Variants in HPS1 observed in about 807,000 individuals in gnomAD.
HPS1 encodes BLOC-3 complex member HPS1.
In HPS1, 59 loss-of-function variants were observed where a neutral mutation model predicts 90.6. The observed-to-expected ratio is 0.65, with a 90% CI of 0.53 to 0.81. HPS1 has a LOEUF of 0.81. Ranked by LOEUF, HPS1 falls within the 30% of genes least tolerant of loss-of-function variation. HPS1 has a pLI of 0.00. For missense variants in HPS1, 849 were observed against 896.7 expected (o/e 0.95, Z 0.68); for synonymous variants, 388 against 384.4 (o/e 1.01, Z -0.11).
intron 17 of HPS1, among the ~76,000 whole-genome samples, chr10:98,420,761 T>C (rs2136108013): frequency 6.6e-6 from 1 of 152,180 alleles, no homozygotes; most frequent in East Asian, 1.9e-4. Context: ...GAAATGATCA[T>C]TCAGGCCAGA....
intron 2 of HPS1, among the ~76,000 whole-genome samples, chr10:98,444,889 G>A (rs1412559242): frequency 6.6e-6 from 1 of 152,196 alleles, no homozygotes; most frequent in Non-Finnish European, 1.5e-5. Context: ...CCAGGTACAT[G>A]TGACAAAGCT....
intron 18 of HPS1, among the ~76,000 whole-genome samples, chr10:98,418,470 G>A (rs1213180994): frequency 6.6e-6 from 1 of 152,216 alleles, no homozygotes; most frequent in Non-Finnish European, 1.5e-5. Context: ...GGGCCGGCAG[G>A]GTAGCTCTCA....
intron 13 of HPS1, 33 bp from the exon 14 acceptor site, chr10:98,424,407 C>A (rs777422079): frequency 6.3e-7 from 1 of 1,593,374 alleles, no homozygotes; most frequent in African/African-American, 1.3e-5. Context: ...GTTTGCATCC[C>A]GACCATATTT....
intron 1 of HPS1, among the ~76,000 whole-genome samples, chr10:98,446,338 G>A (rs1473736063): frequency 6.6e-6 from 1 of 152,198 alleles, no homozygotes; most frequent in Non-Finnish European, 1.5e-5. Flanking sequence ...GCTTCACCTC[G>A]CTATCTTGCC....
intron 18 of HPS1, among the ~76,000 whole-genome samples, chr10:98,419,236 G>A (rs1379027663): frequency 6.6e-6 from 1 of 152,200 alleles, no homozygotes; most frequent in Non-Finnish European, 1.5e-5. Flanking sequence ...GCAGGGGAAG[G>A]CACAGGAGTG....
chr10:98,425,623 G>C lies in HPS1; in HGVS notation c.1253C>G (p.Ser418Cys), dbSNP rs761046186. The C allele has an allele frequency of 6.2e-7, 1 of 1,613,832 alleles. No homozygotes were observed. Among genetic ancestry groups the C allele is most frequent in the African/African-American group, 1.3e-5 (1 of 75,064 alleles). Reference sequence around the variant, plus strand: ...TCCCACGAGGGGCTGGGAGCGCAGGGAGGCCCCGGGCTCCGGCCCTTCCTT... The same window carrying C: ...TCCCACGAGGGGCTGGGAGCGCAGGCAGGCCCCGGGCTCCGGCCCTTCCTT... ...KLKEGPEPGA[S>C]LRSQPLVGDL... Residue 418 changes from serine to cysteine, a missense_variant, in exon 13 of 20, where the codon TCC becomes TGC. Coordinates refer to ENST00000361490, the MANE Select transcript of HPS1 (RefSeq NM_000195.5).
Position 98,420,020 on chromosome 10 carries a change from G to T in HPS1, c.1857+25C>A, listed in dbSNP as rs757637907. On this transcript the variant is annotated intron_variant, in intron 18 of 19. Transcript: ENST00000361490. ...GCGGGAAGTGTGTGTGGCCCGTCCT[G>T]GCCCAGGGACTCAGCCTCACCTACC... The T allele has an allele frequency of 4.2e-6, 6 of 1,440,876 alleles. No individual in the cohort carries two copies. In the East Asian group the frequency reaches 1.4e-4, roughly 33 times the overall value. The allele number at this position is 1,440,876 out of a possible 1,614,324, so 89.3% of individuals were successfully genotyped here.
chr10:98,442,129 T>TTACTACTCAATGACAAGGA (rs1938542377), intron 3 of HPS1, among the ~76,000 whole-genome samples: 1 of 152,318 alleles, frequency 6.6e-6, no homozygotes, highest in South Asian at 2.1e-4. Context: ...ATACAATAGA[T>TTACTACTCAATGACAAGGA]TACTACTCAA....
rs1355906832 is a variant in HPS1, at chr10:98,416,884, TCCAAATCTCTGGGCCAGGGCCA to T, written c.*658_*679del. The T allele has an allele frequency of 6.6e-6, 1 of 152,398 alleles. No individual in the cohort carries two copies. Among genetic ancestry groups the T allele is most frequent in the African/African-American group, 2.4e-5 (1 of 41,438 alleles). 9.4% of individuals were successfully genotyped at this position (152,398 alleles called of 1,614,324 possible). A position where few individuals can be genotyped will look rare whatever the true frequency, so the allele number is the denominator to read the frequency against. On this transcript the variant is annotated 3_prime_UTR_variant, in exon 20 of 20. Coordinates refer to ENST00000361490, the MANE Select transcript of HPS1 (RefSeq NM_000195.5). ...CTGGGCTCCACGGCCGCCAAGGGAA[TCCAAATCTCTGGGCCAGGGCCA>T]GGGGCTTGAGAACCCCAGCCCTAGG...
At position 98,425,855 on chromosome 10, in the gene HPS1, G is replaced by T. The variant is rs945250747; in HGVS notation, c.1118C>A (p.Pro373His). Reference protein sequence around the residue: ...PLVPHTMYCLPLWQGINLVLL... With the variant: ...PLVPHTMYCLHLWQGINLVLL... The stretch of plus-strand genomic sequence containing the variant: ...CACCAGGTTGATGCCCTGCCACAGG[G>T]GCAGGCAGTACATGGTGTGGGGCAC... Residue 373 changes from proline (P) to histidine (H), a missense_variant, in exon 12 of 20, where the codon CCC becomes CAC. Transcript: ENST00000361490. 8 of 1,614,108 alleles carry T rather than the reference G, an allele frequency of 5.0e-6. No homozygotes were observed. Among genetic ancestry groups the T allele is most frequent in the Middle Eastern group, 1.6e-4 (1 of 6,062 alleles).
At chr10:98,444,830 GA>G (rs1286886831) in intron 2 of HPS1, among the ~76,000 whole-genome samples, 18 of 152,220 alleles carry the variant, frequency 1.2e-4, no homozygotes, top group African/African-American at 4.3e-4. Flanking sequence ...GTGTGAAAAG[GA>G]GGTTGCTGGG....
At chr10:98,437,977 T>C (rs1937674276) in intron 3 of HPS1, among the ~76,000 whole-genome samples, 1 of 152,206 alleles carries the variant, frequency 6.6e-6, no homozygotes, top group South Asian at 2.1e-4. Flanking sequence ...CTGATGGTTT[T>C]ATAAGGGGCT....
At position 98,429,805 on chromosome 10, in the gene HPS1, TC is replaced by T. The variant is rs757883936; in HGVS notation, c.852del (p.Ser285AlafsTer46). 21 of 1,613,514 alleles carry T rather than the reference TC, an allele frequency of 1.3e-5. No homozygotes were observed. Among genetic ancestry groups the T allele is most frequent in the South Asian group, 6.6e-5 (6 of 91,052 alleles). The stretch of plus-strand genomic sequence containing the variant: ...ACAGCACACACCGTCTCTGCAGAGC[TC>T]CCCCCAGTTGGGCCCGTGGAGTGAG... The part of the protein sequence containing the change: ...WSPHSTGPTG[G>X]SSAETETDSF... On this transcript the variant is annotated frameshift_variant, in exon 9 of 20. Transcript: ENST00000361490. LOFTEE classifies it high-confidence loss of function.
At position 98,439,529 on chromosome 10, in the gene HPS1, T is replaced by C. The variant is rs112405954; in HGVS notation, c.117+3595A>G. The stretch of plus-strand genomic sequence containing the variant: ...GACTTGCATGGGTCCTGTAGCCCCA[T>C]AGTTCCAATTTCTCCCATTTGGAAT... On this transcript the variant is annotated intron_variant, in intron 3 of 19. Coordinates refer to ENST00000361490, the MANE Select transcript of HPS1 (RefSeq NM_000195.5). Among the ~76,000 whole-genome samples, 448 of 152,330 alleles carry C rather than the reference T, an allele frequency of 2.9e-3. 3 individuals are homozygous for C. Among genetic ancestry groups the C allele is most frequent in the African/African-American group, 9.3e-3 (385 of 41,572 alleles).
chr10:98,426,146 T>C, intron 11 of HPS1, 161 bp from the exon 12 acceptor site: 1 of 647,240 alleles, frequency 1.5e-6, no homozygotes. Flanking sequence ...CAGCTCCAGT[T>C]TCGCTGTTGC....
At chr10:98,419,602 C>G (rs899114562) in intron 18 of HPS1, among the ~76,000 whole-genome samples, 2 of 152,210 alleles carry the variant, frequency 1.3e-5, no homozygotes, top group Non-Finnish European at 2.9e-5. Context: ...CCGAGCCACA[C>G]CACCAGTGTC....
At chr10:98,415,328 G>T, downstream of HPS1, 1 of 700,766 alleles carries the variant, frequency 1.4e-6, no homozygotes, top group Non-Finnish European at 2.2e-6. Context: ...GGGCCGTCGG[G>T]AGTGTTGCCT....
intron 17 of HPS1, among the ~76,000 whole-genome samples, chr10:98,420,614 G>A (rs1196290457): frequency 1.3e-5 from 2 of 152,138 alleles, no homozygotes; most frequent in African/African-American, 2.4e-5. Context: ...TATTTGGGGG[G>A]CTGAGATGAG....
chr10:98,423,350 A>C (rs544463475), intron 16 of HPS1, among the ~76,000 whole-genome samples: 2 of 151,242 alleles, frequency 1.3e-5, no homozygotes, highest in Non-Finnish European at 2.9e-5. Flanking sequence ...ACTGACATAA[A>C]GGGTCTTTAT....
Sources: gnomAD v4.1 joint callset for allele counts (sites outside exome capture counted in the v4.1 genomes callset) on GRCh38, gnomAD v4.1.1 for gene constraint, MANE v1.5 for transcripts, NCBI Gene and HGNC (gene_info 2026-07-23, HGNC 2026-07-21) for gene names.